The following CTDSPL2 variants were observed in gnomAD, a reference collection of about 807,000 sequenced individuals.
CTDSPL2 encodes the protein CTD small phosphatase-like protein 2.
CTDSPL2 carries 5 observed loss-of-function variants against 60.0 expected under a neutral mutation model. The observed-to-expected ratio is 0.08, with a 90% CI of 0.04 to 0.18. CTDSPL2 has a LOEUF of 0.18. Among genes scored for constraint, CTDSPL2 ranks in the 10% least tolerant of loss-of-function variants. The pLI, the probability that CTDSPL2 is intolerant of heterozygous loss-of-function variation, is 1.00. For missense variants in CTDSPL2, 370 were observed against 548.8 expected (o/e 0.67, Z 3.26); for synonymous variants, 186 against 189.3 (o/e 0.98, Z 0.14).
chr15:44,456,618 A>G (rs952512412), intron 1 of CTDSPL2, among the ~76,000 whole-genome samples: 6 of 152,092 alleles, frequency 3.9e-5, no homozygotes, highest in East Asian at 3.9e-4. Context: ...TACTGCGTCT[A>G]TTTGATTCTT....
intron 2 of CTDSPL2, among the ~76,000 whole-genome samples, chr15:44,479,802 A>T (rs1005565061): frequency 6.6e-6 from 1 of 152,036 alleles, no homozygotes; most frequent in African/African-American, 2.4e-5. Context: ...CTATAGAGGT[A>T]TTGTTCTGCT....
chr15:44,474,199 G>A (rs1203873307), intron 2 of CTDSPL2, among the ~76,000 whole-genome samples: 1 of 152,192 alleles, frequency 6.6e-6, no homozygotes, highest in African/African-American at 2.4e-5. Context: ...TTGGGGCCAG[G>A]TGCGGTAGCT....
chr15:44,430,686 G>A (rs920534594), intron 1 of CTDSPL2, among the ~76,000 whole-genome samples: 10 of 152,158 alleles, frequency 6.6e-5, no homozygotes, highest in Admixed American at 6.6e-5. Context: ...AAGTAGAAAA[G>A]ACACTTTAAG....
intron 5 of CTDSPL2, among the ~76,000 whole-genome samples, chr15:44,495,842 G>C (rs150074146): frequency 0.027 from 4,052 of 152,042 alleles, 93 homozygotes; most frequent in East Asian, 0.097. Context: ...TGAGGCAGGA[G>C]AATCGCTTGA....
intron 2 of CTDSPL2, among the ~76,000 whole-genome samples, chr15:44,463,267 G>A (rs763474966): frequency 6.6e-6 from 1 of 151,908 alleles, no homozygotes; most frequent in Admixed American, 6.6e-5. Context: ...TCAGCCTCCC[G>A]AGTAGCTGGG....
At chr15:44,474,398 G>A (rs2080872686) in intron 2 of CTDSPL2, among the ~76,000 whole-genome samples, 1 of 152,162 alleles carries the variant, frequency 6.6e-6, no homozygotes, top group Admixed American at 6.6e-5. Flanking sequence ...GGCTGAGGCG[G>A]GAGATCGCTT....
intron 1 of CTDSPL2, among the ~76,000 whole-genome samples, chr15:44,436,054 A>G (rs115757515): frequency 9.3e-4 from 142 of 152,248 alleles, no homozygotes; most frequent in African/African-American, 3.3e-3. Flanking sequence ...GTGGAGAGTA[A>G]AGGTGGACAG....
In CTDSPL2 at chr15:44,458,985, T is replaced by G; in HGVS notation, c.-24-6T>G. 6.8e-7 allele frequency: 1 copy of G among 1,477,554 alleles called. No homozygotes were observed. The highest frequency in any genetic ancestry group is 9.0e-7 in the Non-Finnish European group (1 of 1,108,136). 91.5% of individuals were successfully genotyped at this position (1,477,554 alleles called of 1,614,324 possible). A position where few individuals can be genotyped will look rare whatever the true frequency, so the allele number is the denominator to read the frequency against. On this transcript the variant is annotated splice_polypyrimidine_tract_variant and splice_region_variant and intron_variant, in intron 1 of 12. Transcript: ENST00000260327. ...TTTTATTACATTTATTATTTTTCTC[T>G]TTTAGTTTTACATGTGGCACCCATA... is the stretch of plus-strand genomic sequence containing the variant.
chr15:44,519,819 G>A (rs1031844859), intron 11 of CTDSPL2: 1 of 153,204 alleles, frequency 6.5e-6, no homozygotes, highest in Non-Finnish European at 1.4e-5. Flanking sequence ...GCCCAAACTG[G>A]AGTGGAGTGC....
At chr15:44,496,934 C>A in intron 6 of CTDSPL2, 93 bp from the exon 7 acceptor site, 1 of 635,384 alleles carries the variant, frequency 1.6e-6, no homozygotes, top group Non-Finnish European at 2.7e-6. Context: ...TCTGGGTTAA[C>A]TGCTTTATAG....
chr15:44,475,805 T>A (rs1170250461), intron 2 of CTDSPL2, among the ~76,000 whole-genome samples: 2 of 152,238 alleles, frequency 1.3e-5, no homozygotes, highest in Admixed American at 6.5e-5. Context: ...CATTTAAATA[T>A]GTCTCATCTA....
intron 2 of CTDSPL2, among the ~76,000 whole-genome samples, chr15:44,461,341 A>G (rs1435528700): frequency 2.0e-5 from 3 of 152,182 alleles, no homozygotes; most frequent in Admixed American, 6.5e-5. Flanking sequence ...TACCAATAAC[A>G]TAAACAATCA....
chr15:44,453,405 AT>A (rs917656580), intron 1 of CTDSPL2, among the ~76,000 whole-genome samples: 39 of 148,602 alleles, frequency 2.6e-4, no homozygotes, highest in Admixed American at 1.1e-3. Context: ...GATCATGTGG[AT>A]TTTTTTTTTG....
chr15:44,429,884 A>G (rs1265248562), intron 1 of CTDSPL2, among the ~76,000 whole-genome samples: 2 of 152,224 alleles, frequency 1.3e-5, no homozygotes, highest in Non-Finnish European at 2.9e-5. Flanking sequence ...AGAATGTAAA[A>G]GCTATAAATG....
chr15:44,432,367 T>C (rs2079876989), intron 1 of CTDSPL2, among the ~76,000 whole-genome samples: 1 of 152,028 alleles, frequency 6.6e-6, no homozygotes, highest in African/African-American at 2.4e-5. Context: ...TCGCCCAGGC[T>C]GGAGTGCAGT....
At chr15:44,463,062 A>C (rs1315873128) in intron 2 of CTDSPL2, among the ~76,000 whole-genome samples, 1 of 152,038 alleles carries the variant, frequency 6.6e-6, no homozygotes, top group Non-Finnish European at 1.5e-5. Context: ...TGTTTTAGCT[A>C]AATCTAAGAT....
intron 3 of CTDSPL2, 152 bp downstream of exon 3, chr15:44,484,514 C>T: frequency 1.4e-6 from 1 of 699,864 alleles, no homozygotes; most frequent in East Asian, 2.9e-5. Flanking sequence ...GTCGGCGGAT[C>T]ATTTGAGGCC....
chr15:44,440,835 T>C (rs536294687), intron 1 of CTDSPL2, among the ~76,000 whole-genome samples: 2 of 152,158 alleles, frequency 1.3e-5, no homozygotes, highest in Non-Finnish European at 2.9e-5. Context: ...TCGTGGACTT[T>C]TAGGGTAGGG....
intron 1 of CTDSPL2, among the ~76,000 whole-genome samples, chr15:44,446,036 C>T (rs1266926802): frequency 1.3e-5 from 2 of 149,870 alleles, no homozygotes; most frequent in African/African-American, 2.5e-5. Flanking sequence ...AGCGATTCTT[C>T]TGCCTCAGCC....
Sources: allele counts gnomAD v4.1 joint callset (sites outside exome capture counted in the v4.1 genomes callset), GRCh38; gene constraint gnomAD v4.1.1; transcripts MANE v1.5; gene names NCBI Gene and HGNC (gene_info 2026-07-23, HGNC 2026-07-21).